Variants in ARHGAP42 observed in about 807,000 individuals in gnomAD.
ARHGAP42 encodes rho GTPase-activating protein 42.
Under a neutral mutation model 125.0 loss-of-function variants are expected in ARHGAP42, and 63 were observed. The observed-to-expected ratio is 0.50, with a 90% CI of 0.41 to 0.62. The LOEUF (loss-of-function observed/expected upper bound fraction) is 0.62, where lower values mean the gene tolerates loss of function less well. Among genes scored for constraint, ARHGAP42 ranks in the 20% least tolerant of loss-of-function variants. The pLI is 0.00. For synonymous variants in ARHGAP42, 339 were observed against 351.0 expected (o/e 0.97, Z 0.38); for missense variants, 766 against 1,024.2 (o/e 0.75, Z 3.44).
chr11:100,796,383 T>C (rs1393862015), intron 3 of ARHGAP42, among the ~76,000 whole-genome samples: 2 of 152,188 alleles, frequency 1.3e-5, no homozygotes, highest in Non-Finnish European at 2.9e-5. Flanking sequence ...CTCTATTGCC[T>C]GAAACATGAA....
At chr11:100,740,503 A>T (rs564529720) in intron 1 of ARHGAP42, among the ~76,000 whole-genome samples, 1 of 152,350 alleles carries the variant, frequency 6.6e-6, no homozygotes, top group South Asian at 2.1e-4. Flanking sequence ...TGTCTGTCTG[A>T]TACTAAAGTG....
At chr11:100,721,728 C>A (rs573528453) in intron 1 of ARHGAP42, among the ~76,000 whole-genome samples, 1 of 152,240 alleles carries the variant, frequency 6.6e-6, no homozygotes, top group East Asian at 1.9e-4. Context: ...CCCACCTTGG[C>A]CCCTCAAAGT....
intron 1 of ARHGAP42, among the ~76,000 whole-genome samples, chr11:100,704,602 G>A (rs1368355734): frequency 6.6e-6 from 1 of 151,870 alleles, no homozygotes; most frequent in Non-Finnish European, 1.5e-5. Flanking sequence ...GATATCCACC[G>A]GTAAGAGGGG....
intron 2 of ARHGAP42, among the ~76,000 whole-genome samples, chr11:100,787,137 G>T (rs956736406): frequency 6.6e-6 from 1 of 151,900 alleles, no homozygotes; most frequent in Admixed American, 6.6e-5. Flanking sequence ...AATTAGGCGG[G>T]CATGGTGGTG....
At chr11:100,758,682 G>A (rs1417961256) in intron 1 of ARHGAP42, among the ~76,000 whole-genome samples, 1 of 152,144 alleles carries the variant, frequency 6.6e-6, no homozygotes, top group Non-Finnish European at 1.5e-5. Flanking sequence ...AATTATGATA[G>A]TTTATCAAGC....
rs1036338085 is a variant in ARHGAP42, at chr11:100,688,879, A to G, written c.154+1047A>G. 2.6e-5 allele frequency among the ~76,000 whole-genome samples: 4 copies of G among 152,274 alleles called. No homozygotes were observed. The South Asian group carries it at 8.3e-4, about 32-fold the overall frequency. On this transcript the variant is annotated intron_variant, in intron 1 of 23. Transcript: ENST00000298815. The stretch of plus-strand genomic sequence containing the variant: ...AAGCTGGGTGAGTGAGGTACTTTCA[A>G]AAGGTAGAGAGACCTTTGGGTGATC...
At chr11:100,863,059 A>AAC (rs3063447) in intron 4 of ARHGAP42, among the ~76,000 whole-genome samples, 2,287 of 137,414 alleles carry the variant, frequency 0.017, 56 homozygotes, top group African/African-American at 0.055. Flanking sequence ...AAAAACACAA[A>AAC]ACACACACAC....
At chr11:100,959,780 A>C (rs183101472) in intron 12 of ARHGAP42, 103 bp from the exon 13 acceptor site, 1 of 1,055,660 alleles carries the variant, frequency 9.5e-7, no homozygotes, top group African/African-American at 1.6e-5. Context: ...CTCAGAAAAA[A>C]CCTCTCTACT....
intron 1 of ARHGAP42, among the ~76,000 whole-genome samples, chr11:100,715,027 C>G (rs1201330855): frequency 8.9e-6 from 1 of 112,614 alleles, no homozygotes; most frequent in Non-Finnish European, 1.6e-5. Flanking sequence ...GCAGGCTGGG[C>G]GATGCAGTGA....
At chr11:100,981,108 C>A (rs1591338774) in intron 22 of ARHGAP42, among the ~76,000 whole-genome samples, 1 of 152,256 alleles carries the variant, frequency 6.6e-6, no homozygotes, top group African/African-American at 2.4e-5. Context: ...TTCGTGTAAC[C>A]TCAGAGTTAC....
chr11:100,732,374 G>A (rs368170256), intron 1 of ARHGAP42, among the ~76,000 whole-genome samples: 18 of 152,270 alleles, frequency 1.2e-4, no homozygotes, highest in African/African-American at 4.3e-4. Context: ...AATGGATGAT[G>A]ATTGAATAGT....
Position 100,687,612 on chromosome 11 carries a change from G to T in ARHGAP42, c.-67G>T. On this transcript the variant is annotated 5_prime_UTR_variant, in exon 1 of 24. Coordinates refer to ENST00000298815, the MANE Select transcript of ARHGAP42 (RefSeq NM_152432.4). Reference sequence around the variant, plus strand: ...CGCGACCCCAGCGCCCGCCGCGGCCGCCGGCTGCCCCCGCCCTGACCTCCG... The same window carrying T: ...CGCGACCCCAGCGCCCGCCGCGGCCTCCGGCTGCCCCCGCCCTGACCTCCG... 8.4e-7 allele frequency: 1 copy of T among 1,187,860 alleles called. No homozygotes were observed. 73.6% of individuals were successfully genotyped at this position (1,187,860 alleles called of 1,614,324 possible).
intron 1 of ARHGAP42, among the ~76,000 whole-genome samples, chr11:100,706,509 A>G (rs549879173): frequency 6.6e-6 from 1 of 152,290 alleles, no homozygotes; most frequent in Non-Finnish European, 1.5e-5. Flanking sequence ...TACCAGAAAG[A>G]GGTTGATTAG....
At chr11:100,813,106 C>T (rs1286001148) in intron 3 of ARHGAP42, among the ~76,000 whole-genome samples, 1 of 151,844 alleles carries the variant, frequency 6.6e-6, no homozygotes, top group East Asian at 1.9e-4. Flanking sequence ...AGAGGATTTG[C>T]TCATTGATCA....
intron 1 of ARHGAP42, among the ~76,000 whole-genome samples, chr11:100,745,364 G>A (rs1694022056): frequency 6.6e-6 from 1 of 152,108 alleles, no homozygotes; most frequent in African/African-American, 2.4e-5. Flanking sequence ...AAGCTTCACT[G>A]GATAAAGTGG....
At chr11:100,850,136 G>A (rs958249066) in intron 3 of ARHGAP42, among the ~76,000 whole-genome samples, 1 of 152,028 alleles carries the variant, frequency 6.6e-6, no homozygotes, top group Non-Finnish European at 1.5e-5. Context: ...CATAAACATG[G>A]CATCAGCACA....
At chr11:100,935,223 C>A (rs529887911) in intron 7 of ARHGAP42, among the ~76,000 whole-genome samples, 2 of 151,502 alleles carry the variant, frequency 1.3e-5, no homozygotes, top group South Asian at 2.1e-4. Context: ...TGAGGTAATG[C>A]AAAAGAGGTA....
At chr11:100,875,165 A>G (rs1865791747) in intron 4 of ARHGAP42, among the ~76,000 whole-genome samples, 1 of 145,094 alleles carries the variant, frequency 6.9e-6, no homozygotes, top group South Asian at 2.2e-4. Context: ...CTCATGAACT[A>G]TGAATGGTTG....
rs1864208982 is a variant in ARHGAP42, at chr11:100,814,082, AC to A, written c.312+18917del. On this transcript the variant is annotated intron_variant, in intron 3 of 23. Coordinates refer to ENST00000298815, the MANE Select transcript of ARHGAP42 (RefSeq NM_152432.4). ...GTGGCAGATGCCTGTAATCCCAGCT[AC>A]TCAGGAGGCTGAGGCAGGAGAATTG... Among the ~76,000 whole-genome samples the A allele has an allele frequency of 2.0e-5, 3 of 152,170 alleles. No individual in the cohort carries two copies. The South Asian group carries it at 6.2e-4, about 32-fold the overall frequency.
Sources: gnomAD v4.1 joint callset for allele counts (sites outside exome capture counted in the v4.1 genomes callset) on GRCh38, gnomAD v4.1.1 for gene constraint, MANE v1.5 for transcripts, NCBI Gene and HGNC (gene_info 2026-07-23, HGNC 2026-07-21) for gene names.